Variants in PTPRT observed in about 807,000 individuals in gnomAD.
PTPRT encodes protein tyrosine phosphatase receptor type T, also known as receptor-type tyrosine-protein phosphatase T.
PTPRT carries 56 observed loss-of-function variants against 176.8 expected under a neutral mutation model. The ratio of observed to expected loss-of-function variants is 0.32; its 90% CI spans 0.26 to 0.40. The LOEUF is 0.40. Among genes scored for constraint, PTPRT ranks in the 10% least tolerant of loss-of-function variants. The pLI, the probability that PTPRT is intolerant of heterozygous loss-of-function variation, is 1.00. For missense variants in PTPRT, 1,540 were observed against 1,908.2 expected (o/e 0.81, Z 3.60); for synonymous variants, 783 against 739.0 (o/e 1.06, Z -0.96).
chr20:42,442,335 G>A (rs933266135), intron 9 of PTPRT, among the ~76,000 whole-genome samples: 59 of 152,108 alleles, frequency 3.9e-4, no homozygotes, highest in African/African-American at 1.4e-3. Flanking sequence ...AACCATCTGT[G>A]TGCTGAAAAA....
At chr20:42,776,305 C>G (rs1413308761) in intron 4 of PTPRT, among the ~76,000 whole-genome samples, 1 of 152,174 alleles carries the variant, frequency 6.6e-6, no homozygotes, top group African/African-American at 2.4e-5. Flanking sequence ...ATGACCCCAA[C>G]CCCCAGTATC....
At chr20:42,992,789 A>G (rs1983992200) in intron 1 of PTPRT, among the ~76,000 whole-genome samples, 1 of 152,166 alleles carries the variant, frequency 6.6e-6, no homozygotes, top group Non-Finnish European at 1.5e-5. Flanking sequence ...CACAACTGCA[A>G]TCACATAGAG....
At chr20:42,248,307 C>T (rs1265773044) in intron 14 of PTPRT, among the ~76,000 whole-genome samples, 6 of 152,196 alleles carry the variant, frequency 3.9e-5, no homozygotes, top group African/African-American at 1.4e-4. Context: ...TACTTTCCTG[C>T]AACTGCGTTT....
intron 16 of PTPRT, among the ~76,000 whole-genome samples, chr20:42,184,541 C>CCTCTTCTTCTTCTTCTTCTTCT (rs1990660319): frequency 1.1e-5 from 1 of 91,546 alleles, no homozygotes; most frequent in African/African-American, 4.6e-5. Context: ...CTTCCTCTTC[C>CCTCTTCTTCTTCTTCTTCTTCT]TCTTCTTCTT....
At chr20:42,967,796 A>G (rs1045650152) in intron 1 of PTPRT, among the ~76,000 whole-genome samples, 4 of 147,074 alleles carry the variant, frequency 2.7e-5, no homozygotes, top group Non-Finnish European at 4.5e-5. Flanking sequence ...CGCTGCCTTC[A>G]GCCTCGCCCT....
At chr20:42,417,271 T>C (rs1421887773) in intron 9 of PTPRT, among the ~76,000 whole-genome samples, 1 of 152,164 alleles carries the variant, frequency 6.6e-6, no homozygotes, top group Non-Finnish European at 1.5e-5. Context: ...TAAGATACAA[T>C]GGCAGACAAA....
intron 12 of PTPRT, among the ~76,000 whole-genome samples, chr20:42,299,640 C>CATTT (rs1190505953): frequency 6.8e-5 from 4 of 58,576 alleles, no homozygotes; most frequent in African/African-American, 2.5e-4. Flanking sequence ...TGAACTTTTG[C>CATTT]CTTTTTTTTT....
intron 3 of PTPRT, among the ~76,000 whole-genome samples, chr20:42,788,726 G>A (rs573375925): frequency 6.6e-6 from 1 of 152,140 alleles, no homozygotes; most frequent in African/African-American, 2.4e-5. Flanking sequence ...AGATAGCTGC[G>A]GGATTCTCCA....
chr20:42,176,282 G>A (rs531164336), intron 16 of PTPRT, among the ~76,000 whole-genome samples: 15 of 152,248 alleles, frequency 9.9e-5, no homozygotes, highest in African/African-American at 3.6e-4. Flanking sequence ...TTTTGGTGAG[G>A]ATATCATGAT....
Position 42,786,114 on chromosome 20 carries a change from G to A in PTPRT, c.486+5081C>T, listed in dbSNP as rs1961188. On this transcript the variant is annotated intron_variant, in intron 3 of 30. Transcript: ENST00000373187. ...TCTCTTGCCTTCCACCATGTAAGAT[G>A]TGCCTGCTTCCCTTTCTGCCATGAT... 7.0e-3 allele frequency among the ~76,000 whole-genome samples: 1,069 copies of A among 152,272 alleles called. 13 individuals carry two copies. The highest frequency in any genetic ancestry group is 0.043 in the Admixed American group (662 of 15,282).
intron 14 of PTPRT, among the ~76,000 whole-genome samples, chr20:42,243,854 T>C (rs1009612606): frequency 1.3e-5 from 2 of 152,220 alleles, no homozygotes; most frequent in Admixed American, 6.5e-5. Context: ...TAACCTACTA[T>C]GATTATTAGG....
intron 2 of PTPRT, among the ~76,000 whole-genome samples, chr20:42,823,867 T>TA (rs1039460741): frequency 3.1e-4 from 47 of 151,048 alleles, no homozygotes; most frequent in African/African-American, 1.0e-3. Context: ...ATTGAATACC[T>TA]AAAAAAAACA....
intron 7 of PTPRT, among the ~76,000 whole-genome samples, chr20:42,596,313 T>C (rs6102922): frequency 0.41 from 62,792 of 152,136 alleles, 16,045 homozygotes; most frequent in African/African-American, 0.72. Flanking sequence ...ACTTCTGAAA[T>C]ATCTCCTGGC....
intron 7 of PTPRT, among the ~76,000 whole-genome samples, chr20:42,482,610 A>G (rs1449628293): frequency 6.6e-6 from 1 of 152,164 alleles, no homozygotes; most frequent in Admixed American, 6.5e-5. Context: ...GATAAATCAG[A>G]AAAGTATGTA....
At chr20:42,191,070 C>T (rs779297572) in intron 16 of PTPRT, among the ~76,000 whole-genome samples, 13 of 152,092 alleles carry the variant, frequency 8.5e-5, no homozygotes, top group South Asian at 4.2e-4. Context: ...ATAATTAATG[C>T]TCTGTATATA....
At chr20:42,494,109 T>C (rs2071607823) in intron 7 of PTPRT, among the ~76,000 whole-genome samples, 1 of 152,024 alleles carries the variant, frequency 6.6e-6, no homozygotes, top group South Asian at 2.1e-4. Flanking sequence ...TTTTTCAGAG[T>C]AAAGAGAGAG....
rs7269575 is a variant in PTPRT, at chr20:42,161,971, G to A, written c.2492-429C>T. 9.0e-3 allele frequency among the ~76,000 whole-genome samples: 1,365 copies of A among 152,246 alleles called. 20 individuals are homozygous for A. The highest frequency in any genetic ancestry group is 0.031 in the African/African-American group (1,267 of 41,536). ...GAGCCTCAGGTGGCCTCAGGTACTC[G>A]AAGATTGGAGTCACATGTATAATTC... On this transcript the variant is annotated intron_variant, in intron 16 of 30. Coordinates refer to ENST00000373187, the MANE Select transcript of PTPRT (RefSeq NM_007050.6).
At chr20:42,598,553 G>A (rs907294856) in intron 7 of PTPRT, among the ~76,000 whole-genome samples, 8 of 152,142 alleles carry the variant, frequency 5.3e-5, no homozygotes, top group Non-Finnish European at 7.4e-5. Flanking sequence ...CTAGATAGAC[G>A]TTGGTATTAT....
intron 1 of PTPRT, among the ~76,000 whole-genome samples, chr20:43,043,660 G>C (rs550900495): frequency 6.6e-6 from 1 of 152,196 alleles, no homozygotes; most frequent in South Asian, 2.1e-4. Context: ...TCCTTTGCAC[G>C]GAAGTAGGTT....
Sources: gnomAD v4.1 joint callset for allele counts (sites outside exome capture counted in the v4.1 genomes callset) on GRCh38, gnomAD v4.1.1 for gene constraint, MANE v1.5 for transcripts, NCBI Gene and HGNC (gene_info 2026-07-23, HGNC 2026-07-21) for gene names.